Variants in KIAA1549 observed in about 807,000 individuals in gnomAD.
KIAA1549 encodes UPF0606 protein KIAA1549.
Under a neutral mutation model 156.4 loss-of-function variants are expected in KIAA1549, and 70 were observed. The ratio of observed to expected loss-of-function variants is 0.45; its 90% CI spans 0.37 to 0.55. KIAA1549 has a LOEUF of 0.55. Among genes scored for constraint, KIAA1549 ranks in the 20% least tolerant of loss-of-function variants. The probability of loss-of-function intolerance (pLI) is 0.00; values close to 1 mark genes in which losing one functional copy is unlikely to be tolerated. For synonymous variants in KIAA1549, 1,103 were observed against 1,066.4 expected (o/e 1.03, Z -0.67); for missense variants, 2,428 against 2,540.9 (o/e 0.96, Z 0.96).
At chr7:138,903,376 T>C (rs981140723) in intron 8 of KIAA1549, among the ~76,000 whole-genome samples, 3 of 152,248 alleles carry the variant, frequency 2.0e-5, no homozygotes, top group East Asian at 1.9e-4. Context: ...CTACTTACTA[T>C]GGGCTTGGTA....
Position 138,906,970 on chromosome 7 carries a change from C to G in KIAA1549, c.3409G>C (p.Val1137Leu), listed in dbSNP as rs1379089715. 6.2e-7 allele frequency: 1 copy of G among 1,613,148 alleles called. No homozygotes were observed. Among genetic ancestry groups the G allele is most frequent in the Non-Finnish European group, 8.5e-7 (1 of 1,179,504 alleles). The part of the protein sequence containing the change: ...EVSELLRNLS[V>L]VEFSFYLGYP... ...CCCAGATAGAAACTGAACTCCACCA[C>G]ACTCAAGTTTCTGAGCAGCTCGCTC... The change falls in exon 6 of 20, where the codon GTG becomes CTG. Residue 1137 changes from valine to leucine, a missense_variant. This residue lies in a region of KIAA1549 where 762 missense variants were observed against 901.6 expected (regional missense o/e 0.85). Coordinates refer to ENST00000422774, the MANE Select transcript of KIAA1549 (RefSeq NM_001164665.2).
intron 8 of KIAA1549, among the ~76,000 whole-genome samples, chr7:138,901,071 T>C (rs1355073424): frequency 6.6e-6 from 1 of 152,192 alleles, no homozygotes; most frequent in Admixed American, 6.5e-5. Flanking sequence ...TCATCATCAC[T>C]TTGGTTAACA....
At chr7:138,875,254 C>T (rs528624091) in intron 12 of KIAA1549, among the ~76,000 whole-genome samples, 1 of 152,168 alleles carries the variant, frequency 6.6e-6, no homozygotes, top group Non-Finnish European at 1.5e-5. Flanking sequence ...TATTATGTAT[C>T]AACTAAAAAT....
chr7:138,869,880 C>CAAAT, intron 13 of KIAA1549, 119 bp from the exon 14 acceptor site: 2 of 756,676 alleles, frequency 2.6e-6, no homozygotes, highest in Non-Finnish European at 4.2e-6. Context: ...GACAGAGTCT[C>CAAAT]ACTCTGTTGC....
intron 16 of KIAA1549, among the ~76,000 whole-genome samples, chr7:138,853,641 C>T (rs1390906945): frequency 6.6e-6 from 1 of 152,154 alleles, no homozygotes; most frequent in Non-Finnish European, 1.5e-5. Flanking sequence ...ATTACTTCAC[C>T]TTCTGACTCT....
intron 9 of KIAA1549, among the ~76,000 whole-genome samples, chr7:138,895,172 G>A (rs888568420): frequency 3.3e-5 from 5 of 152,190 alleles, no homozygotes; most frequent in South Asian, 2.1e-4. Context: ...AAGTCCTAGT[G>A]GGGGAAAGGA....
intron 1 of KIAA1549, among the ~76,000 whole-genome samples, chr7:138,979,680 G>C (rs1814485928): frequency 6.6e-6 from 1 of 152,182 alleles, no homozygotes; most frequent in South Asian, 2.1e-4. Flanking sequence ...TGGACACACA[G>C]GGCTGGAACT....
intron 10 of KIAA1549, among the ~76,000 whole-genome samples, chr7:138,889,438 G>A (rs182989629): frequency 3.3e-5 from 5 of 152,118 alleles, no homozygotes; most frequent in African/African-American, 7.2e-5. Flanking sequence ...ATGAAACATC[G>A]AGCAGTTAAT....
intron 1 of KIAA1549, among the ~76,000 whole-genome samples, chr7:138,940,218 T>A (rs1462830699): frequency 1.3e-5 from 2 of 149,772 alleles, no homozygotes; most frequent in African/African-American, 2.4e-5. Flanking sequence ...CCTGTGTCCA[T>A]GTGTTCTCAT....
chr7:138,927,711 C>T (rs1029772611), intron 1 of KIAA1549, among the ~76,000 whole-genome samples: 5 of 152,180 alleles, frequency 3.3e-5, no homozygotes, highest in African/African-American at 9.6e-5. Context: ...TTCTCAAAGT[C>T]GTTGAACCAA....
At chr7:138,933,088 C>T (rs1295104133) in intron 1 of KIAA1549, among the ~76,000 whole-genome samples, 2 of 152,034 alleles carry the variant, frequency 1.3e-5, no homozygotes, top group African/African-American at 2.4e-5. Context: ...CTGGCATGCA[C>T]GTTTCTCGTG....
chr7:138,931,684 A>T (rs1380646344), intron 1 of KIAA1549, among the ~76,000 whole-genome samples: 2 of 150,084 alleles, frequency 1.3e-5, no homozygotes, highest in African/African-American at 4.9e-5. Context: ...CCCAGGAGGC[A>T]GAGGTTGCAG....
chr7:138,895,211 T>C (rs1424406494), intron 9 of KIAA1549, among the ~76,000 whole-genome samples: 3 of 152,224 alleles, frequency 2.0e-5, no homozygotes, highest in African/African-American at 7.2e-5. Context: ...AATCACCGAA[T>C]AATTTCATAT....
chr7:138,867,917 G>A (rs1810797407), intron 15 of KIAA1549, 58 bp downstream of exon 15: 7 of 1,572,116 alleles, frequency 4.5e-6, no homozygotes, highest in Admixed American at 1.7e-5. Context: ...CCCTTTCAGC[G>A]CATCTTTCTA....
intron 12 of KIAA1549, 63 bp downstream of exon 12, chr7:138,879,475 G>T (rs1393659013): frequency 5.4e-6 from 5 of 931,602 alleles, no homozygotes; most frequent in South Asian, 4.6e-5. Context: ...ATACTGTAAG[G>T]CCCCAGCCTT....
intron 7 of KIAA1549, among the ~76,000 whole-genome samples, 162 bp from the exon 8 acceptor site, chr7:138,903,898 T>C (rs1811934613): frequency 1.4e-5 from 2 of 147,322 alleles, no homozygotes; most frequent in Non-Finnish European, 3.0e-5. Flanking sequence ...TAATGCAAGA[T>C]TGCCATAAAA....
At chr7:138,925,521 A>T (rs536772597) in intron 1 of KIAA1549, among the ~76,000 whole-genome samples, 1 of 152,244 alleles carries the variant, frequency 6.6e-6, no homozygotes, top group African/African-American at 2.4e-5. Context: ...AAATTTAGTT[A>T]AAAAACATGC....
chr7:138,924,859 G>C (rs1812668116), intron 1 of KIAA1549, among the ~76,000 whole-genome samples: 1 of 152,156 alleles, frequency 6.6e-6, no homozygotes, highest in South Asian at 2.1e-4. Context: ...TCACAAAAGA[G>C]AGAAAGGTTC....
chr7:138,896,161 G>A (rs984450645), intron 9 of KIAA1549, among the ~76,000 whole-genome samples: 8 of 152,174 alleles, frequency 5.3e-5, no homozygotes, highest in African/African-American at 1.4e-4. Context: ...CGGTCTTGAC[G>A]CCAAATCTTG....
Sources: gnomAD v4.1 joint callset for allele counts (sites outside exome capture counted in the v4.1 genomes callset) on GRCh38, gnomAD v4.1.1 for gene constraint, gnomAD v4.1.1 regional missense constraint, MANE v1.5 for transcripts, NCBI Gene and HGNC (gene_info 2026-07-23, HGNC 2026-07-21) for gene names.